PDSS2: variants seen among roughly 807,000 people sequenced by gnomAD.
PDSS2 encodes the protein decaprenyl diphosphate synthase subunit 2.
In PDSS2, 31 loss-of-function variants were observed where a neutral mutation model predicts 44.5. The ratio of observed to expected loss-of-function variants is 0.70; its 90% CI spans 0.52 to 0.94. The LOEUF is 0.94. Ranked by LOEUF, PDSS2 falls within the 40% of genes least tolerant of loss-of-function variation. PDSS2 has a pLI of 0.00. For missense variants in PDSS2, 452 were observed against 482.2 expected (o/e 0.94, Z 0.59); for synonymous variants, 157 against 180.3 (o/e 0.87, Z 1.03).
At chr6:107,318,624 G>C (rs1205419769) in intron 2 of PDSS2, among the ~76,000 whole-genome samples, 1 of 152,094 alleles carries the variant, frequency 6.6e-6, no homozygotes, top group Non-Finnish European at 1.5e-5. Flanking sequence ...TTTTCTCTGA[G>C]ATAGCTAGCA....
chr6:107,224,081 T>C (rs1773706030), intron 4 of PDSS2, among the ~76,000 whole-genome samples: 1 of 151,164 alleles, frequency 6.6e-6, no homozygotes, highest in Admixed American at 6.6e-5. Context: ...AGTGGAACAG[T>C]TTCATCCCGA....
intron 6 of PDSS2, among the ~76,000 whole-genome samples, chr6:107,207,978 GTTTTTTTTT>G (rs756043067): frequency 1.5e-5 from 1 of 67,562 alleles, no homozygotes; most frequent in Non-Finnish European, 2.6e-5. Flanking sequence ...TCTATGACTT[GTTTTTTTTT>G]TTTTTTTTTT....
At chr6:107,345,598 G>A (rs1300190640) in intron 1 of PDSS2, among the ~76,000 whole-genome samples, 1 of 151,516 alleles carries the variant, frequency 6.6e-6, no homozygotes, top group Admixed American at 6.6e-5. Context: ...GGAAGTTGGG[G>A]GAAATGATGA....
At position 107,323,217 on chromosome 6, in the gene PDSS2, A is replaced by G. The variant is rs532998974; in HGVS notation, c.431+10981T>C. On this transcript the variant is annotated intron_variant, in intron 2 of 7. Coordinates refer to ENST00000369037, the MANE Select transcript of PDSS2 (RefSeq NM_020381.4). ...TAAGTTCCAGCAAAAGAGTTTTAGA[A>G]AGGAAATTACATCAATAGCAAGTGT... is the stretch of plus-strand genomic sequence containing the variant. 3.9e-5 allele frequency among the ~76,000 whole-genome samples: 6 copies of G among 152,316 alleles called. No individual in the cohort carries two copies. The South Asian group carries it at 1.2e-3, about 32-fold the overall frequency.
At chr6:107,245,119 G>A (rs1243720937) in intron 4 of PDSS2, among the ~76,000 whole-genome samples, 1 of 151,944 alleles carries the variant, frequency 6.6e-6, no homozygotes, top group Admixed American at 6.6e-5. Context: ...GTATATAAAA[G>A]ATACCCCCAT....
At chr6:107,422,025 T>C (rs552521367) in intron 1 of PDSS2, among the ~76,000 whole-genome samples, 2 of 150,782 alleles carry the variant, frequency 1.3e-5, no homozygotes, top group African/African-American at 4.9e-5. Context: ...AAGTCAGTAA[T>C]TATTTCAAAA....
At chr6:107,213,203 G>A (rs563535054) in intron 4 of PDSS2, among the ~76,000 whole-genome samples, 10 of 152,010 alleles carry the variant, frequency 6.6e-5, no homozygotes, top group Admixed American at 3.3e-4. Flanking sequence ...TAGATACAGA[G>A]TTTCTCCATG....
chr6:107,455,108 AACTT>A (rs1446122994), intron 1 of PDSS2, among the ~76,000 whole-genome samples: 7 of 151,604 alleles, frequency 4.6e-5, no homozygotes, highest in Admixed American at 4.6e-4. Flanking sequence ...ACTTTGCAAA[AACTT>A]ACTTATTCTG....
intron 1 of PDSS2, among the ~76,000 whole-genome samples, chr6:107,420,977 G>T (rs564984332): frequency 1.3e-5 from 2 of 152,230 alleles, no homozygotes; most frequent in South Asian, 2.1e-4. Context: ...AATATGTAAA[G>T]AATTCTCTAA....
chr6:107,412,517 G>A (rs952846985), intron 1 of PDSS2, among the ~76,000 whole-genome samples: 1 of 152,170 alleles, frequency 6.6e-6, no homozygotes, highest in African/African-American at 2.4e-5. Flanking sequence ...TGGGATTACA[G>A]GTGTGAAACA....
intron 3 of PDSS2, chr6:107,264,240 G>T: frequency 7.9e-7 from 1 of 1,268,698 alleles, no homozygotes; most frequent in Non-Finnish European, 1.0e-6. Flanking sequence ...AGATTTATAT[G>T]CATAAATTGA....
intron 4 of PDSS2, among the ~76,000 whole-genome samples, chr6:107,213,647 C>T (rs551655384): frequency 7.6e-4 from 116 of 152,108 alleles, no homozygotes; most frequent in Admixed American, 1.2e-3. Flanking sequence ...ATCCCAGCTA[C>T]TTGGGAGGCC....
chr6:107,256,410 A>G (rs1030989030), intron 3 of PDSS2, among the ~76,000 whole-genome samples: 5 of 152,152 alleles, frequency 3.3e-5, no homozygotes, highest in African/African-American at 4.8e-5. Flanking sequence ...TGCAAATTCC[A>G]GTGCTGCCAT....
chr6:107,382,879 T>G (rs1224927191), intron 1 of PDSS2, among the ~76,000 whole-genome samples: 1 of 152,102 alleles, frequency 6.6e-6, no homozygotes, highest in Non-Finnish European at 1.5e-5. Context: ...GGTCAGTTGA[T>G]TTTTGACAAA....
Position 107,165,773 on chromosome 6 carries a change from G to A in PDSS2, c.1042-10996C>T, listed in dbSNP as rs567923080. On this transcript the variant is annotated intron_variant, in intron 7 of 7. Coordinates refer to ENST00000369037, the MANE Select transcript of PDSS2 (RefSeq NM_020381.4). Reference sequence around the variant, plus strand: ...CCTTGGGCAGTATGGCCATTTTCACGATATTGATTCTTCCTATCCATGAGC... The same window carrying A: ...CCTTGGGCAGTATGGCCATTTTCACAATATTGATTCTTCCTATCCATGAGC... Among the ~76,000 whole-genome samples, 434 of 152,042 alleles carry A rather than the reference G, an allele frequency of 2.9e-3. 2 individuals are homozygous for A. Among genetic ancestry groups the A allele is most frequent in the African/African-American group, 9.5e-3 (396 of 41,488 alleles).
At chr6:107,255,168 G>A (rs1774967466) in intron 3 of PDSS2, among the ~76,000 whole-genome samples, 1 of 149,906 alleles carries the variant, frequency 6.7e-6, no homozygotes. Flanking sequence ...TAAATTAAAA[G>A]TTTCATTATG....
intron 1 of PDSS2, among the ~76,000 whole-genome samples, chr6:107,374,124 C>T (rs1157708539): frequency 1.3e-5 from 2 of 151,908 alleles, no homozygotes; most frequent in African/African-American, 4.8e-5. Context: ...CGTGGTGGCG[C>T]CCGCCTGTAA....
At chr6:107,244,696 T>C (rs1441916516) in intron 4 of PDSS2, among the ~76,000 whole-genome samples, 1 of 152,222 alleles carries the variant, frequency 6.6e-6, no homozygotes, top group Non-Finnish European at 1.5e-5. Flanking sequence ...ACTCATGCCC[T>C]ATGTTTCACT....
Position 107,419,725 on chromosome 6 carries a change from G to A in PDSS2, c.296+39265C>T, listed in dbSNP as rs150734730. On this transcript the variant is annotated intron_variant, in intron 1 of 7. Transcript: ENST00000369037. Reference sequence around the variant, plus strand: ...CACACACATACTTCAGTATGTTTGTGAGCAAATGTATAACTTAAAGTTTTC... The same window carrying A: ...CACACACATACTTCAGTATGTTTGTAAGCAAATGTATAACTTAAAGTTTTC... Among the ~76,000 whole-genome samples the A allele has an allele frequency of 3.3e-4, 51 of 152,284 alleles. No homozygotes were observed. In the East Asian group the frequency reaches 9.3e-3, roughly 28 times the overall value.
Sources: allele counts gnomAD v4.1 joint callset (sites outside exome capture counted in the v4.1 genomes callset), GRCh38; gene constraint gnomAD v4.1.1; transcripts MANE v1.5; gene names NCBI Gene and HGNC (gene_info 2026-07-23, HGNC 2026-07-21).